SHROOM1: variants seen among roughly 807,000 people sequenced by gnomAD.
SHROOM1 encodes the protein protein Shroom1.
SHROOM1 carries 53 observed loss-of-function variants against 64.2 expected under a neutral mutation model. That is an observed-to-expected ratio of 0.83 (90% CI 0.66 to 1.04). The LOEUF is 1.04. Among genes scored for constraint, SHROOM1 ranks in the 50% least tolerant of loss-of-function variants. SHROOM1 has a pLI of 0.00. For synonymous variants in SHROOM1, 490 were observed against 518.9 expected, an observed-to-expected ratio of 0.94 and a Z score of 0.76; for missense variants, 1,179 against 1,163.2, an observed-to-expected ratio of 1.01 and a Z score of -0.20.
In SHROOM1 at chr5:132,824,171, C is replaced by G. The variant is rs766989508; in HGVS notation, c.1490G>C (p.Ser497Thr). ...LTTNPPTAAE[S>T]DLLKPVPADA... is the part of the protein sequence containing the mutation. ...AGCTGGGACAGGTTTGAGGAGGTCA[C>G]TCTCTGCAGCTGTGGGGGGATTGGT... Residue 497 changes from serine to threonine, a missense_variant, in exon 7 of 10, where the codon AGT becomes ACT. Ser to Thr is a moderately conservative substitution (Grantham distance 58). Transcript: ENST00000378679. 6.8e-6 allele frequency: 11 copies of G among 1,614,086 alleles called. No individual in the cohort carries two copies. Among genetic ancestry groups the G allele is most frequent in the Non-Finnish European group, 8.5e-6 (10 of 1,180,040 alleles).
chr5:132,824,263 G>A lies in SHROOM1; in HGVS notation c.1398C>T (p.Pro466=), dbSNP rs778253674. Residue 466 remains proline (P), a synonymous_variant, in exon 7 of 10, where the codon CCC becomes CCT. Coordinates refer to ENST00000378679, the MANE Select transcript of SHROOM1 (RefSeq NM_001172700.2). ...CAGTCCCAGTGGGGGTGTGGCTTGTGGGCCTGGAAATACCTACAGAACCAT... is the reference window on the plus strand; with the variant it reads ...CAGTCCCAGTGGGGGTGTGGCTTGTAGGCCTGGAAATACCTACAGAACCAT... ...GVNGSVGISR[P]TSHTPTGTAN... is the part of the protein sequence containing the mutation. 6.2e-7 allele frequency: 1 copy of A among 1,613,946 alleles called. No homozygotes were observed. The highest frequency in any genetic ancestry group is 1.1e-5 in the South Asian group (1 of 91,052).
chr5:132,822,315 T>C lies in SHROOM1; in HGVS notation c.*481A>G, dbSNP rs975317260. On this transcript the variant is annotated 3_prime_UTR_variant, in exon 10 of 10. Transcript: ENST00000378679. Reference sequence around the variant, plus strand: ...TAATTACCAAATAATACACAAGACCTGGGTGAGGCCACATGAGAACACTTT... The same window carrying C: ...TAATTACCAAATAATACACAAGACCCGGGTGAGGCCACATGAGAACACTTT... The C allele has an allele frequency of 4.8e-5, 7 of 144,432 alleles. No homozygotes were observed. The highest frequency in any genetic ancestry group is 2.4e-4 in the South Asian group (1 of 4,208). 8.9% of individuals were successfully genotyped at this position (144,432 alleles called of 1,614,324 possible). A position where few individuals can be genotyped will look rare whatever the true frequency, so the allele number is the denominator to read the frequency against.
chr5:132,830,135 C>T lies in SHROOM1; in HGVS notation c.-501+459G>A, dbSNP rs1758803884. The T allele has an allele frequency of 5.1e-6, 5 of 985,304 alleles. No individual in the cohort carries two copies. Among genetic ancestry groups the T allele is most frequent in the Non-Finnish European group, 4.8e-6 (4 of 829,930 alleles). 61.0% of individuals were successfully genotyped at this position (985,304 alleles called of 1,614,324 possible). A position where few individuals can be genotyped will look rare whatever the true frequency, so the allele number is the denominator to read the frequency against. On this transcript the variant is annotated intron_variant, in intron 1 of 9. Transcript: ENST00000378679. This position sits in a 1 kb window ranked among gnomAD's most constrained non-coding sequence, Gnocchi z 5.9. The stretch of plus-strand genomic sequence containing the variant: ...CGCGGAGCGGCTCGACAGCAGATGG[C>T]CGCAGCCCCGCGCAGTTCTGGGCCT...
Position 132,825,439 on chromosome 5 carries a change from C to T in SHROOM1, c.702G>A (p.Arg234=), listed in dbSNP as rs373319689. ...SEPGKLDRVG[R]GGGPARECLG... ...GGCATTCCCGCGCCGGCCCACCGCC[C>T]CGACCCACACGATCCAGCTTTCCTG... Residue 234 remains arginine (R), a synonymous_variant, in exon 4 of 10, where the codon CGG becomes CGA. Transcript: ENST00000378679. The surrounding 1 kb of genome is among the most constrained non-coding windows in gnomAD (Gnocchi z 5.1). 3.8e-6 allele frequency: 6 copies of T among 1,588,988 alleles called. No individual in the cohort carries two copies. The highest frequency in any genetic ancestry group is 1.7e-4 in the Middle Eastern group (1 of 6,054).
At position 132,824,240 on chromosome 5, in the gene SHROOM1, G is replaced by A; in HGVS notation, c.1421C>T (p.Thr474Ile). Residue 474 changes from threonine (T) to isoleucine (I), a missense_variant, in exon 7 of 10, where the codon ACT (threonine) becomes ATT (isoleucine). By Grantham distance (89) the Thr-to-Ile change is moderately conservative. Coordinates refer to ENST00000378679, the MANE Select transcript of SHROOM1 (RefSeq NM_001172700.2). ...SRPTSHTPTG[T>I]ANDNIPTIDP... ...AATAGTTGGGATGTTATCATTTGCAGTCCCAGTGGGGGTGTGGCTTGTGGG... is the reference window on the plus strand; with the variant it reads ...AATAGTTGGGATGTTATCATTTGCAATCCCAGTGGGGGTGTGGCTTGTGGG... 2 of 1,614,118 alleles carry A rather than the reference G, an allele frequency of 1.2e-6. No individual in the cohort carries two copies. The highest frequency in any genetic ancestry group is 8.5e-7 in the Non-Finnish European group (1 of 1,179,990).
rs33935150 is a variant in SHROOM1, at chr5:132,823,701, G to T, written c.1875C>A (p.Asn625Lys). 6.2e-7 allele frequency: 1 copy of T among 1,611,914 alleles called. No individual in the cohort carries two copies. The change falls in exon 8 of 10, where the codon AAC becomes AAA. Residue 625 changes from asparagine (N) to lysine (K), a missense_variant. Coordinates refer to ENST00000378679, the MANE Select transcript of SHROOM1 (RefSeq NM_001172700.2). This position sits in a 1 kb window ranked among gnomAD's most constrained non-coding sequence, Gnocchi z 4.6. Reference protein sequence around the residue: ...PAPREETRLENPATHPVLDQP... With the variant: ...PAPREETRLEKPATHPVLDQP... ...GGTCAAGCACAGGGTGGGTGGCAGGGTTTTCAAGCCTTGTCTCCTCCCGAG... is the reference window on the plus strand; with the variant it reads ...GGTCAAGCACAGGGTGGGTGGCAGGTTTTTCAAGCCTTGTCTCCTCCCGAG...
Position 132,826,384 on chromosome 5 carries a change from C to T in SHROOM1, c.-150G>A, listed in dbSNP as rs1758703837. On this transcript the variant is annotated 5_prime_UTR_variant, in exon 3 of 10. Coordinates refer to ENST00000378679, the MANE Select transcript of SHROOM1 (RefSeq NM_001172700.2). ...AGGAAGTAGGACCAGTCCCAGGGAG[C>T]ACCTCTGAAGGTTGAGGGCCCAGCT... 1 of 844,222 alleles carries T rather than the reference C, an allele frequency of 1.2e-6. No homozygotes were observed. The highest frequency in any genetic ancestry group is 6.0e-5 in the South Asian group (1 of 16,560). The allele number at this position is 844,222 out of a possible 1,614,324, so 52.3% of individuals were successfully genotyped here.
At position 132,823,383 on chromosome 5, in the gene SHROOM1, T is replaced by A; in HGVS notation, c.2093A>T (p.Glu698Val). ...AAVRQACAPQELERFSRFMAD... is the reference protein window; with the variant it reads ...AAVRQACAPQVLERFSRFMAD... ...CATGAACCGGCTGAACCGCTCCAGC[T>A]CCTGAGGGGCACAGGCCTGGCGCAC... The change falls in exon 9 of 10, where the codon GAG (glutamate) becomes GTG (valine). Residue 698 changes from glutamate (E) to valine (V), a missense_variant. By Grantham distance (121) the Glu-to-Val change is moderately radical. Coordinates refer to ENST00000378679, the MANE Select transcript of SHROOM1 (RefSeq NM_001172700.2). This position sits in a 1 kb window ranked among gnomAD's most constrained non-coding sequence, Gnocchi z 4.6. 1 of 1,609,866 alleles carries A rather than the reference T, an allele frequency of 6.2e-7. No homozygotes were observed. The highest frequency in any genetic ancestry group is 1.1e-5 in the South Asian group (1 of 91,064).
rs777974245 is a variant in SHROOM1, at chr5:132,823,164, A to T, written c.2227-36T>A. 1 of 1,543,770 alleles carries T rather than the reference A, an allele frequency of 6.5e-7. No individual in the cohort carries two copies. Among genetic ancestry groups the T allele is most frequent in the Non-Finnish European group, 8.7e-7 (1 of 1,154,234 alleles). On this transcript the variant is annotated intron_variant, in intron 9 of 9. Transcript: ENST00000378679. The surrounding 1 kb of genome is among the most constrained non-coding windows in gnomAD (Gnocchi z 4.6). The stretch of plus-strand genomic sequence containing the variant: ...AGGAAGAGGCGCCGTGAGCCGGGTG[A>T]GGGCGCCGCCGCTCCCGGAATGGTT...
chr5:132,829,655 G>A (rs1758793954), intron 1 of SHROOM1: 1 of 985,286 alleles, frequency 1.0e-6, no homozygotes, highest in African/African-American at 1.7e-5. Context: ...TATCCAGGCC[G>A]CCCCTCCCAG....
At position 132,823,297 on chromosome 5, in the gene SHROOM1, G is replaced by T; in HGVS notation, c.2179C>A (p.Arg727Ser). The change falls in exon 9 of 10, where the codon CGC becomes AGC. Residue 727 changes from arginine to serine, a missense_variant. Transcript: ENST00000378679. This position sits in a 1 kb window ranked among gnomAD's most constrained non-coding sequence, Gnocchi z 4.6. ...LLLGSRLARV[R>S]RALARAASDS... ...GAGGCCGCCCGGGCCAGGGCGCGGC[G>T]CACGCGCGCCAGGCGACTGCCCAGC... 1.9e-6 allele frequency: 3 copies of T among 1,601,340 alleles called. No homozygotes were observed. The highest frequency in any genetic ancestry group is 2.5e-6 in the Non-Finnish European group (3 of 1,178,874).
At position 132,823,074 on chromosome 5, in the gene SHROOM1, C is replaced by T; in HGVS notation, c.2281G>A (p.Glu761Lys). The change falls in exon 10 of 10, where the codon GAG becomes AAG. Residue 761 changes from glutamate (E) to lysine (K), a missense_variant. Coordinates refer to ENST00000378679, the MANE Select transcript of SHROOM1 (RefSeq NM_001172700.2). The surrounding 1 kb of genome is among the most constrained non-coding windows in gnomAD (Gnocchi z 4.6). Reference sequence around the variant, plus strand: ...CGCCGCGCTACGTGCTCCTTCAGCTCCTTGGCGTCCTCCTCCTGCCGCTGC... The same window carrying T: ...CGCCGCGCTACGTGCTCCTTCAGCTTCTTGGCGTCCTCCTCCTGCCGCTGC... ...LLQRQEEDAK[E>K]LKEHVARRER... 6.3e-7 allele frequency: 1 copy of T among 1,590,866 alleles called. No homozygotes were observed. The highest frequency in any genetic ancestry group is 8.5e-7 in the Non-Finnish European group (1 of 1,175,758).
At chr5:132,829,150 C>CT (rs1758781363) in intron 1 of SHROOM1, among the ~76,000 whole-genome samples, 1 of 152,180 alleles carries the variant, frequency 6.6e-6, no homozygotes, top group African/African-American at 2.4e-5. Flanking sequence ...AGACTCCCCG[C>CT]TAGAAAGACA....
At position 132,826,007 on chromosome 5, in the gene SHROOM1, G is replaced by T. The variant is rs143556262; in HGVS notation, c.134C>A (p.Pro45Gln). 6,812 of 1,531,462 alleles carry T rather than the reference G, an allele frequency of 4.4e-3. 42 individuals carry two copies. The highest frequency in any genetic ancestry group is 0.03 in the Middle Eastern group (174 of 5,868). The allele number at this position is 1,531,462 out of a possible 1,614,324, so 94.9% of individuals were successfully genotyped here. Residue 45 changes from proline (P) to glutamine (Q), a missense_variant, in exon 4 of 10, where the codon CCG becomes CAG. Transcript: ENST00000378679. ...GTCTGTCCCCGGCGACTGCGTGCGC[G>T]GCTCGGGGCCGCCGGAGGCTGCGGA... is the stretch of plus-strand genomic sequence containing the variant. ...SFSAASGGPE[P>Q]RTQSPGTDLL...
At position 132,822,973 on chromosome 5, in the gene SHROOM1, C is replaced by A. The variant is rs145343807; in HGVS notation, c.2382G>T (p.Ala794=). 2 of 1,609,642 alleles carry A rather than the reference C, an allele frequency of 1.2e-6. No homozygotes were observed. The highest frequency in any genetic ancestry group is 1.3e-5 in the African/African-American group (1 of 74,934). The change falls in exon 10 of 10, where the codon GCG becomes GCT. Residue 794 remains alanine, a synonymous_variant. Transcript: ENST00000378679. ...GCTGGGCCAGGACGGCGGCCTTGCCCGCCAGCAGGGCGCAATAGACGCGCA... is the reference window on the plus strand; with the variant it reads ...GCTGGGCCAGGACGGCGGCCTTGCCAGCCAGCAGGGCGCAATAGACGCGCA... The part of the protein sequence containing the change: ...EELRVYCALL[A]GKAAVLAQQR...
Position 132,822,473 on chromosome 5 carries a change from C to G in SHROOM1, c.*323G>C, listed in dbSNP as rs940325063. 2 of 214,270 alleles carry G rather than the reference C, an allele frequency of 9.3e-6. No individual in the cohort carries two copies. Among genetic ancestry groups the G allele is most frequent in the Non-Finnish European group, 1.8e-5 (2 of 109,906 alleles). 13.3% of individuals were successfully genotyped at this position (214,270 alleles called of 1,614,324 possible). On this transcript the variant is annotated 3_prime_UTR_variant, in exon 10 of 10. Transcript: ENST00000378679. ...CCACCTCCCAGGTTCACGCCATTCTCCTGCCTCAGCCTTCCGAGTAGCTGG... is the reference window on the plus strand; with the variant it reads ...CCACCTCCCAGGTTCACGCCATTCTGCTGCCTCAGCCTTCCGAGTAGCTGG...
At position 132,824,390 on chromosome 5, in the gene SHROOM1, GTTCCA is replaced by G. The variant is rs1561449237; in HGVS notation, c.1266_1270del (p.Gly423TrpfsTer19). On this transcript the variant is annotated frameshift_variant, in exon 7 of 10. Transcript: ENST00000378679. LOFTEE classifies it high-confidence loss of function. ...CTGGCCAGTTCTTTGGCCTAAGCCAGTTCCATACGGCTGGTCAGAGGCATGGACAC... is the reference window on the plus strand; with the variant it reads ...CTGGCCAGTTCTTTGGCCTAAGCCAGTACGGCTGGTCAGAGGCATGGACAC... The G allele has an allele frequency of 6.4e-7, 1 of 1,565,178 alleles. No individual in the cohort carries two copies. Among genetic ancestry groups the G allele is most frequent in the African/African-American group, 1.4e-5 (1 of 73,748 alleles).
At chr5:132,828,823 C>T (rs944973636) in intron 1 of SHROOM1, among the ~76,000 whole-genome samples, 6 of 152,244 alleles carry the variant, frequency 3.9e-5, no homozygotes, top group Admixed American at 1.3e-4. Flanking sequence ...TTGATGTTCA[C>T]GCAGGCTCCT....
In SHROOM1 at chr5:132,830,291, C is replaced by A; in HGVS notation, c.-501+303G>T. The A allele has an allele frequency of 1.0e-6, 1 of 985,290 alleles. No homozygotes were observed. The highest frequency in any genetic ancestry group is 1.2e-6 in the Non-Finnish European group (1 of 829,868). 61.0% of individuals were successfully genotyped at this position (985,290 alleles called of 1,614,324 possible). A position where few individuals can be genotyped will look rare whatever the true frequency, so the allele number is the denominator to read the frequency against. On this transcript the variant is annotated intron_variant, in intron 1 of 9. Transcript: ENST00000378679. The surrounding 1 kb of genome is among the most constrained non-coding windows in gnomAD (Gnocchi z 5.9). ...CGGAGGGTGGCGGAGTGAGACCGCG[C>A]TGCCCGCCGGCGCCACACGCGGCGC... is the stretch of plus-strand genomic sequence containing the variant.
Sources: gnomAD v4.1 joint callset for allele counts (sites outside exome capture counted in the v4.1 genomes callset) on GRCh38, gnomAD v4.1.1 for gene constraint, Gnocchi (gnomAD v3.1) non-coding constraint, MANE v1.5 for transcripts, NCBI Gene and HGNC (gene_info 2026-07-23, HGNC 2026-07-21) for gene names.